The following NDE1 variants were observed in gnomAD, a reference collection of about 807,000 sequenced individuals.
NDE1 encodes the protein nuclear distribution protein nudE homolog 1.
Under a neutral mutation model 43.4 loss-of-function variants are expected in NDE1, and 28 were observed. The ratio of observed to expected loss-of-function variants is 0.65; its 90% CI spans 0.48 to 0.89. The LOEUF (loss-of-function observed/expected upper bound fraction) is 0.89, where lower values mean the gene tolerates loss of function less well. Ranked by LOEUF, NDE1 falls within the 40% of genes least tolerant of loss-of-function variation. The pLI, the probability that NDE1 is intolerant of heterozygous loss-of-function variation, is 0.00. For synonymous variants in NDE1, 184 were observed against 172.0 expected, an observed-to-expected ratio of 1.07 and a Z score of -0.55; for missense variants, 441 against 434.1, an observed-to-expected ratio of 1.02 and a Z score of -0.14.
At chr16:15,687,967 G>A (rs1236308662) in intron 5 of NDE1, among the ~76,000 whole-genome samples, 1 of 151,860 alleles carries the variant, frequency 6.6e-6, no homozygotes, top group Admixed American at 6.6e-5. Context: ...TTGAGCCCAG[G>A]AGTTTGAGAC....
chr16:15,718,368 C>T (rs1239514656), intron 8 of NDE1: 1 of 1,607,504 alleles, frequency 6.2e-7, no homozygotes, highest in East Asian at 2.2e-5. Flanking sequence ...TTGCCCTGCT[C>T]CTCCTCCAGC....
intron 8 of NDE1, among the ~76,000 whole-genome samples, chr16:15,723,617 G>A (rs1336256140): frequency 6.6e-6 from 1 of 152,186 alleles, no homozygotes; most frequent in Non-Finnish European, 1.5e-5. Flanking sequence ...CTGCACTCCA[G>A]CCTGGGTGAC....
chr16:15,720,525 G>A (rs962123554), intron 8 of NDE1, among the ~76,000 whole-genome samples: 1 of 151,806 alleles, frequency 6.6e-6, no homozygotes, highest in Non-Finnish European at 1.5e-5. Context: ...CAGGAGAATG[G>A]ATCACTTGAG....
chr16:15,682,073 G>T (rs576638199), intron 4 of NDE1, among the ~76,000 whole-genome samples: 1 of 151,944 alleles, frequency 6.6e-6, no homozygotes, highest in Admixed American at 6.6e-5. Context: ...TGTACTAAAC[G>T]TGCATTGTTT....
chr16:15,679,125 TG>T (rs2038044139), intron 4 of NDE1, among the ~76,000 whole-genome samples: 1 of 152,064 alleles, frequency 6.6e-6, no homozygotes, highest in African/African-American at 2.4e-5. Flanking sequence ...AAAGCACAGA[TG>T]TTTTTTCTTT....
At chr16:15,661,900 T>C (rs1482071313) in intron 1 of NDE1, among the ~76,000 whole-genome samples, 1 of 151,952 alleles carries the variant, frequency 6.6e-6, no homozygotes, top group Non-Finnish European at 1.5e-5. Context: ...TTCTAAATAT[T>C]TTTGGAGTCC....
chr16:15,720,971 G>C (rs141031021), intron 8 of NDE1: 1 of 1,614,072 alleles, frequency 6.2e-7, no homozygotes. Context: ...CTTGCAGCTC[G>C]TCCTCCAGCT....
intron 8 of NDE1, chr16:15,717,471 C>T (rs751656772): frequency 1.6e-4 from 151 of 972,818 alleles, no homozygotes; most frequent in Non-Finnish European, 2.2e-4. Flanking sequence ...GCACCCTGTC[C>T]TCTCCTTCAT....
At chr16:15,686,269 A>ACCCCTTCC in intron 4 of NDE1, 1 of 726,270 alleles carries the variant, frequency 1.4e-6, no homozygotes, top group Non-Finnish European at 1.7e-6. Flanking sequence ...ACTTCTTGCC[A>ACCCCTTCC]CCCCTTCCCC....
chr16:15,702,153 C>CA (rs2039240819), intron 8 of NDE1: 1 of 152,158 alleles, frequency 6.6e-6, no homozygotes, highest in Admixed American at 6.5e-5. Context: ...TCCTGTCTCC[C>CA]AAATCTGTCT....
chr16:15,654,233 T>A (rs1231506102), intron 1 of NDE1, among the ~76,000 whole-genome samples: 1 of 152,072 alleles, frequency 6.6e-6, no homozygotes, highest in Non-Finnish European at 1.5e-5. Flanking sequence ...GGGTGCATTT[T>A]TAAGATAGCA....
At chr16:15,715,501 T>C (rs1404419578) in intron 8 of NDE1, among the ~76,000 whole-genome samples, 2 of 152,208 alleles carry the variant, frequency 1.3e-5, no homozygotes, top group African/African-American at 2.4e-5. Context: ...AGAAGACACA[T>C]AGCAGACAAC....
chr16:15,675,806 G>A (rs1184385681), intron 3 of NDE1, among the ~76,000 whole-genome samples: 2 of 152,150 alleles, frequency 1.3e-5, no homozygotes, highest in East Asian at 1.9e-4. Flanking sequence ...CAGGTGATCT[G>A]GATTGAAATG....
chr16:15,656,741 A>G (rs2036786596), intron 1 of NDE1, among the ~76,000 whole-genome samples: 1 of 151,986 alleles, frequency 6.6e-6, no homozygotes, highest in African/African-American at 2.4e-5. Context: ...GGGTTTTACC[A>G]TGTTGGCCAG....
chr16:15,718,239 G>T (rs12917928), intron 8 of NDE1: 1 of 1,599,792 alleles, frequency 6.3e-7, no homozygotes, highest in Non-Finnish European at 8.5e-7. Flanking sequence ...GCCGCCACGC[G>T]TGTGTTGACT....
rs775737495 is a variant in NDE1 at position 15,719,575 on chromosome 16, G to T, written c.948-4616G>T. 3.7e-6 allele frequency: 6 copies of T among 1,614,008 alleles called. No individual in the cohort carries two copies. Among genetic ancestry groups the T allele is most frequent in the Non-Finnish European group, 4.2e-6 (5 of 1,180,036 alleles). On this transcript the variant is annotated intron_variant, in intron 8 of 8. Transcript: ENST00000396354. ...GCATCTGAGGCTCTCCTAGCAAGGC[G>T]AGGCTTTACCTCTTGTAGCTGCATG...
intron 3 of NDE1, among the ~76,000 whole-genome samples, chr16:15,675,400 A>G (rs2037815672): frequency 6.9e-6 from 1 of 145,370 alleles, no homozygotes; most frequent in Non-Finnish European, 1.5e-5. Context: ...GGGTTTCGCC[A>G]TGTTGCCAGG....
chr16:15,645,565 C>T (rs1206052118), upstream of NDE1, among the ~76,000 whole-genome samples: 3 of 152,306 alleles, frequency 2.0e-5, no homozygotes, highest in East Asian at 5.8e-4. Context: ...TTTATTGCTG[C>T]TTTCTAAAGA....
chr16:15,721,622 C>T (rs2040489405), intron 8 of NDE1: 1 of 1,614,202 alleles, frequency 6.2e-7, no homozygotes, highest in South Asian at 1.1e-5. Context: ...ATGTTTTTCT[C>T]CTCGGCTAAC....
Sources: gnomAD v4.1 joint callset for allele counts (sites outside exome capture counted in the v4.1 genomes callset) on GRCh38, gnomAD v4.1.1 for gene constraint, MANE v1.5 for transcripts, NCBI Gene and HGNC (gene_info 2026-07-23, HGNC 2026-07-21) for gene names.